Variants in EYA4 observed in about 807,000 individuals in gnomAD.
EYA4 encodes the protein EYA transcriptional coactivator and phosphatase 4.
A neutral mutation model predicts 87.9 loss-of-function variants in EYA4; 31 were observed. The observed-to-expected ratio is 0.35, with a 90% confidence interval of 0.27 to 0.48. The LOEUF (loss-of-function observed/expected upper bound fraction) is 0.48, where lower values mean the gene tolerates loss of function less well. Among genes scored for constraint, EYA4 ranks in the 20% least tolerant of loss-of-function variants. The pLI is 0.99. For synonymous variants in EYA4, 263 were observed against 270.6 expected (o/e 0.97, Z 0.28); for missense variants, 678 against 761.4 (o/e 0.89, Z 1.29).
intron 2 of EYA4, among the ~76,000 whole-genome samples, chr6:133,343,127 T>C (rs1782926294): frequency 6.6e-6 from 1 of 152,102 alleles, no homozygotes; most frequent in African/African-American, 2.4e-5. Flanking sequence ...TATGCAGATA[T>C]CCTGGGGAAA....
chr6:133,332,458 T>C (rs1260162774), intron 2 of EYA4, among the ~76,000 whole-genome samples: 1 of 152,176 alleles, frequency 6.6e-6, no homozygotes, highest in Non-Finnish European at 1.5e-5. Flanking sequence ...TGCCTTCTCC[T>C]CGGCCTGCAT....
At position 133,524,557 on chromosome 6, in the gene EYA4, G is replaced by A. The variant is rs113359327; in HGVS notation, c.1739-597G>A. Among the ~76,000 whole-genome samples, 1,517 of 152,280 alleles carry A rather than the reference G, an allele frequency of 1.0e-2. 31 individuals are homozygous for A. Among genetic ancestry groups the A allele is most frequent in the African/African-American group, 0.034 (1,422 of 41,556 alleles). ...CCCTTAGCAGAAGTTATTTGAGCAG[G>A]CTAACTCTCACCCACTTGAAGAAAG... On this transcript the variant is annotated intron_variant, in intron 18 of 19. Coordinates refer to ENST00000355286, the MANE Select transcript of EYA4 (RefSeq NM_004100.5).
At chr6:133,394,298 T>G (rs879450616) in intron 3 of EYA4, among the ~76,000 whole-genome samples, 1 of 126,394 alleles carries the variant, frequency 7.9e-6, no homozygotes, top group African/African-American at 3.0e-5. Context: ...TTTTTTTTTT[T>G]TTTTTTTTTT....
At chr6:133,456,682 C>A in intron 6 of EYA4, 34 bp downstream of exon 6, 1 of 1,270,842 alleles carries the variant, frequency 7.9e-7, no homozygotes, top group Non-Finnish European at 1.2e-6. Flanking sequence ...CTTACGTACA[C>A]ATGGGGGTGC....
chr6:133,332,427 T>C (rs1163014235), intron 2 of EYA4, among the ~76,000 whole-genome samples: 1 of 152,224 alleles, frequency 6.6e-6, no homozygotes, highest in African/African-American at 2.4e-5. Context: ...TGCCTCCTTT[T>C]CCCAGTTTCT....
intron 2 of EYA4, among the ~76,000 whole-genome samples, chr6:133,292,953 A>G (rs1778606436): frequency 6.6e-6 from 1 of 152,204 alleles, no homozygotes; most frequent in African/African-American, 2.4e-5. Flanking sequence ...ATAAAAAAGA[A>G]CTTGACACTC....
At chr6:133,381,594 G>C (rs560954709) in intron 2 of EYA4, among the ~76,000 whole-genome samples, 89 of 152,210 alleles carry the variant, frequency 5.8e-4, no homozygotes, top group African/African-American at 2.1e-3. Context: ...CCCAGAAATA[G>C]TGGGCTTATA....
intron 1 of EYA4, among the ~76,000 whole-genome samples, chr6:133,250,837 T>G (rs1562206161): frequency 6.6e-6 from 1 of 152,070 alleles, no homozygotes; most frequent in Non-Finnish European, 1.5e-5. Flanking sequence ...TGTAAATATA[T>G]TTAGAGTAGT....
intron 2 of EYA4, among the ~76,000 whole-genome samples, chr6:133,341,997 C>T (rs1172117153): frequency 6.6e-6 from 1 of 152,108 alleles, no homozygotes; most frequent in African/African-American, 2.4e-5. Flanking sequence ...TGAATTGTCT[C>T]ATAAATATCT....
At chr6:133,466,485 A>C (rs1794854223) in intron 10 of EYA4, among the ~76,000 whole-genome samples, 1 of 152,172 alleles carries the variant, frequency 6.6e-6, no homozygotes, top group South Asian at 2.1e-4. Flanking sequence ...GGAGTAGATC[A>C]GATCTGATTC....
intron 1 of EYA4, among the ~76,000 whole-genome samples, chr6:133,254,232 C>G (rs1410528286): frequency 6.6e-6 from 1 of 152,072 alleles, no homozygotes; most frequent in Non-Finnish European, 1.5e-5. Flanking sequence ...AGAAACAGAC[C>G]TTGATCTCTT....
At position 133,415,349 on chromosome 6, in the gene EYA4, T is replaced by TA. The variant is rs1789619294; in HGVS notation, c.84-31280dup. 2.6e-5 allele frequency among the ~76,000 whole-genome samples: 4 copies of TA among 152,276 alleles called. No individual in the cohort carries two copies. The South Asian group carries it at 8.3e-4, about 32-fold the overall frequency. ...CTCTCAGAATAAATGCCCAAGAACT[T>TA]ACAATAGTCTGAAAGTCCAATGCAG... is the stretch of plus-strand genomic sequence containing the variant. On this transcript the variant is annotated intron_variant, in intron 3 of 19. Transcript: ENST00000355286.
chr6:133,467,794 T>C (rs929149358), intron 10 of EYA4, among the ~76,000 whole-genome samples: 1 of 151,966 alleles, frequency 6.6e-6, no homozygotes, highest in African/African-American at 2.4e-5. Context: ...GCTAGATATC[T>C]TAAACACCAA....
chr6:133,464,956 G>A (rs959328071), intron 10 of EYA4, 98 bp downstream of exon 10: 38 of 742,484 alleles, frequency 5.1e-5, no homozygotes, highest in Non-Finnish European at 7.8e-5. Context: ...CCCAGAATAA[G>A]GTTTCTTTAT....
chr6:133,390,796 G>T (rs1271737589), intron 3 of EYA4, among the ~76,000 whole-genome samples: 1 of 152,194 alleles, frequency 6.6e-6, no homozygotes, highest in Non-Finnish European at 1.5e-5. Flanking sequence ...TTCTACAGAT[G>T]AAATCATTTC....
chr6:133,412,509 G>A (rs9493618), intron 3 of EYA4, among the ~76,000 whole-genome samples: 1,638 of 152,152 alleles, frequency 0.011, 29 homozygotes, highest in African/African-American at 0.037. Flanking sequence ...ATGGAATTTC[G>A]TGTAATGTAT....
intron 2 of EYA4, among the ~76,000 whole-genome samples, chr6:133,359,048 A>G (rs1349493046): frequency 6.6e-6 from 1 of 152,234 alleles, no homozygotes; most frequent in Non-Finnish European, 1.5e-5. Flanking sequence ...TTTTGTTTTC[A>G]AGAAACTGAC....
chr6:133,501,655 C>A (rs1798123290), intron 13 of EYA4, among the ~76,000 whole-genome samples: 1 of 152,094 alleles, frequency 6.6e-6, no homozygotes, highest in Non-Finnish European at 1.5e-5. Context: ...CCATGATGAA[C>A]TTGCATATCT....
chr6:133,245,550 G>A (rs367919497), intron 1 of EYA4, among the ~76,000 whole-genome samples: 3 of 152,178 alleles, frequency 2.0e-5, no homozygotes, highest in East Asian at 1.9e-4. Context: ...CCAGGGGAAT[G>A]GGGTGGCATT....
Sources: allele counts gnomAD v4.1 joint callset (sites outside exome capture counted in the v4.1 genomes callset), GRCh38; gene constraint gnomAD v4.1.1; transcripts MANE v1.5; gene names NCBI Gene and HGNC (gene_info 2026-07-23, HGNC 2026-07-21).